The following GRIK1 variants were observed in gnomAD, a reference collection of about 807,000 sequenced individuals.
The protein encoded by GRIK1 is glutamate ionotropic receptor kainate type subunit 1, also known as glutamate receptor ionotropic, kainate 1.
A neutral mutation model predicts 105.7 loss-of-function variants in GRIK1; 69 were observed. The ratio of observed to expected loss-of-function variants is 0.65; its 90% CI spans 0.54 to 0.80. GRIK1 has a LOEUF of 0.80. GRIK1 is among the 30% of genes least tolerant of loss of function. GRIK1 has a pLI of 0.00. For missense variants in GRIK1, 1,109 were observed against 1,167.3 expected (o/e 0.95, Z 0.73); for synonymous variants, 438 against 431.3 (o/e 1.02, Z -0.19).
intron 1 of GRIK1, among the ~76,000 whole-genome samples, chr21:29,782,629 G>C (rs2066154842): frequency 6.6e-6 from 1 of 152,146 alleles, no homozygotes; most frequent in Non-Finnish European, 1.5e-5. Context: ...CATTGAACCT[G>C]TTTGTCTTGT....
intron 1 of GRIK1, among the ~76,000 whole-genome samples, chr21:29,703,595 T>C (rs1402559021): frequency 6.6e-6 from 1 of 152,256 alleles, no homozygotes; most frequent in Non-Finnish European, 1.5e-5. Context: ...AGCTTTCGTA[T>C]TTTTGTTTTA....
intron 13 of GRIK1, among the ~76,000 whole-genome samples, chr21:29,579,146 A>G (rs1240375653): frequency 2.0e-5 from 3 of 152,202 alleles, no homozygotes; most frequent in Admixed American, 2.0e-4. Flanking sequence ...ACTTTTGGAT[A>G]AAGTTACCTT....
intron 1 of GRIK1, among the ~76,000 whole-genome samples, chr21:29,858,735 G>C (rs956937790): frequency 6.6e-6 from 1 of 152,008 alleles, no homozygotes; most frequent in African/African-American, 2.4e-5. Context: ...CAGTGACAGA[G>C]TCTGGCTTTT....
chr21:29,559,150 T>C (rs2090331065), intron 15 of GRIK1, among the ~76,000 whole-genome samples: 1 of 152,174 alleles, frequency 6.6e-6, no homozygotes, highest in African/African-American at 2.4e-5. Flanking sequence ...GAACTATAGT[T>C]ACTCCTCTAC....
At chr21:29,813,311 G>A (rs1198972860) in intron 1 of GRIK1, among the ~76,000 whole-genome samples, 1 of 152,080 alleles carries the variant, frequency 6.6e-6, no homozygotes, top group Non-Finnish European at 1.5e-5. Context: ...CCATAAGAGG[G>A]AGCATTTGGC....
chr21:29,861,799 C>A, intron 1 of GRIK1: 1 of 301,528 alleles, frequency 3.3e-6, no homozygotes, highest in Non-Finnish European at 6.6e-6. Context: ...GCCTTAAATA[C>A]CTAGAATAAG....
At chr21:29,591,503 A>G (rs2061333955) in intron 9 of GRIK1, among the ~76,000 whole-genome samples, 1 of 152,202 alleles carries the variant, frequency 6.6e-6, no homozygotes, top group South Asian at 2.1e-4. Context: ...AAAATATATA[A>G]GAATTCTTAA....
At chr21:29,624,600 G>C (rs1481713050) in intron 7 of GRIK1, among the ~76,000 whole-genome samples, 1 of 152,172 alleles carries the variant, frequency 6.6e-6, no homozygotes, top group Admixed American at 6.5e-5. Context: ...GCAAACCTTA[G>C]AATCATCTAT....
chr21:29,712,502 G>A (rs1413205853), intron 1 of GRIK1, among the ~76,000 whole-genome samples: 2 of 151,854 alleles, frequency 1.3e-5, no homozygotes, highest in Admixed American at 6.6e-5. Flanking sequence ...TGCCTACCAC[G>A]AGTGTATGAA....
chr21:29,597,713 T>C (rs749500848), intron 8 of GRIK1: 17 of 438,894 alleles, frequency 3.9e-5, no homozygotes, highest in South Asian at 2.7e-4. Flanking sequence ...CCTGCATGTA[T>C]AATGTGTACT....
At position 29,664,532 on chromosome 21, in the gene GRIK1, C is replaced by T. The variant is rs530360631; in HGVS notation, c.726+8451G>A. Among the ~76,000 whole-genome samples the T allele has an allele frequency of 6.5e-4, 99 of 152,070 alleles. 1 individual carries two copies. Among genetic ancestry groups the T allele is most frequent in the South Asian group, 1.5e-3 (7 of 4,818 alleles). On this transcript the variant is annotated intron_variant, in intron 4 of 17. Transcript: ENST00000327783. ...CTGAACCTTCACTAAATAATGATCTCGTCTAACACATTAGAGTTTTTAATG... is the reference window on the plus strand; with the variant it reads ...CTGAACCTTCACTAAATAATGATCTTGTCTAACACATTAGAGTTTTTAATG...
chr21:29,596,621 G>A, intron 8 of GRIK1, 51 bp from the exon 9 acceptor site: 2 of 1,319,090 alleles, frequency 1.5e-6, no homozygotes, highest in Non-Finnish European at 2.2e-6. Flanking sequence ...AATTAAAATG[G>A]AGCGTGAAAC....
intron 16 of GRIK1, among the ~76,000 whole-genome samples, chr21:29,554,514 G>A (rs1483813509): frequency 2.0e-5 from 3 of 151,888 alleles, no homozygotes; most frequent in Non-Finnish European, 4.4e-5. Context: ...TTTTCATTTT[G>A]TATTGTTTAT....
chr21:29,675,638 TG>T (rs2063250791), intron 3 of GRIK1, among the ~76,000 whole-genome samples: 1 of 152,180 alleles, frequency 6.6e-6, no homozygotes, highest in Non-Finnish European at 1.5e-5. Flanking sequence ...TGCTAAGCCC[TG>T]GGGATGCAAG....
chr21:29,925,121 A>G (rs1176161277), intron 1 of GRIK1, among the ~76,000 whole-genome samples: 1 of 152,258 alleles, frequency 6.6e-6, no homozygotes, highest in Admixed American at 6.5e-5. Flanking sequence ...TGAGCATTTC[A>G]TAAGAAACAA....
At chr21:29,887,384 A>AAT (rs1004455242) in intron 1 of GRIK1, among the ~76,000 whole-genome samples, 2 of 152,166 alleles carry the variant, frequency 1.3e-5, no homozygotes, top group Non-Finnish European at 2.9e-5. Flanking sequence ...CTTCAATCTG[A>AAT]GTTATTTAGA....
At chr21:29,558,345 AAT>A (rs67103720) in intron 15 of GRIK1, among the ~76,000 whole-genome samples, 118,438 of 149,216 alleles carry the variant, frequency 0.79, 47,068 homozygotes, top group Admixed American at 0.86. Context: ...TGTCACTTGA[AAT>A]ATATATATAT....
chr21:29,586,740 C>T (rs1454638010), intron 12 of GRIK1, among the ~76,000 whole-genome samples: 3 of 152,082 alleles, frequency 2.0e-5, no homozygotes, highest in South Asian at 2.1e-4. Flanking sequence ...AGTTAAATCT[C>T]GAAAAGTAAA....
At chr21:29,788,253 G>T (rs1310342574) in intron 1 of GRIK1, among the ~76,000 whole-genome samples, 1 of 152,212 alleles carries the variant, frequency 6.6e-6, no homozygotes, top group African/African-American at 2.4e-5. Flanking sequence ...AGGGCGAATT[G>T]TTATGAGAGT....
Sources: allele counts gnomAD v4.1 joint callset (sites outside exome capture counted in the v4.1 genomes callset), GRCh38; gene constraint gnomAD v4.1.1; transcripts MANE v1.5; gene names NCBI Gene and HGNC (gene_info 2026-07-23, HGNC 2026-07-21).